Variants in NIBAN1 observed in about 807,000 individuals in gnomAD.
The protein encoded by NIBAN1 is protein Niban 1.
Under a neutral mutation model 75.1 loss-of-function variants are expected in NIBAN1, and 81 were observed. The ratio of observed to expected loss-of-function variants is 1.08; its 90% CI spans 0.90 to 1.30. NIBAN1 has a LOEUF of 1.30. NIBAN1 is among the 50% of genes most tolerant of loss of function. The pLI, the probability that NIBAN1 is intolerant of heterozygous loss-of-function variation, is 0.00. For missense variants in NIBAN1, 1,133 were observed against 1,128.1 expected (o/e 1.00, Z -0.06); for synonymous variants, 436 against 424.8 (o/e 1.03, Z -0.32).
At chr1:184,850,721 A>G (rs1421365722) in intron 5 of NIBAN1, among the ~76,000 whole-genome samples, 2 of 23,286 alleles carry the variant, frequency 8.6e-5, no homozygotes, top group Admixed American at 1.1e-3. Flanking sequence ...AATTTTCACA[A>G]CCTAGTCATC....
chr1:184,798,357 G>C (rs1214045150), intron 12 of NIBAN1, among the ~76,000 whole-genome samples, 167 bp from the exon 13 acceptor site: 1 of 152,080 alleles, frequency 6.6e-6, no homozygotes, highest in African/African-American at 2.4e-5. Context: ...TATTTTATTG[G>C]GTTCCCTTCA....
chr1:184,803,775 C>T (rs1319082668), intron 11 of NIBAN1, 83 bp from the exon 12 acceptor site: 2 of 1,160,746 alleles, frequency 1.7e-6, no homozygotes, highest in African/African-American at 1.5e-5. Flanking sequence ...CCACCCACTT[C>T]ACCTCTCTTT....
At chr1:184,803,744 A>C (rs1410791876) in intron 11 of NIBAN1, 52 bp from the exon 12 acceptor site, 2 of 1,544,174 alleles carry the variant, frequency 1.3e-6, no homozygotes, top group Admixed American at 3.4e-5. Context: ...CTGTTGACTT[A>C]TGTTTACTCA....
chr1:184,804,070 T>C (rs534233477), intron 11 of NIBAN1, among the ~76,000 whole-genome samples: 2 of 152,260 alleles, frequency 1.3e-5, no homozygotes, highest in East Asian at 3.9e-4. Context: ...CCAGGGTCAG[T>C]GGGTTGTAAT....
chr1:184,834,120 G>A (rs569889558), intron 5 of NIBAN1, among the ~76,000 whole-genome samples: 11 of 147,124 alleles, frequency 7.5e-5, no homozygotes, highest in African/African-American at 2.5e-4. Flanking sequence ...TTGGTTTTCT[G>A]TCCTTGTGAT....
At chr1:184,953,651 A>G (rs923140836) in intron 1 of NIBAN1, among the ~76,000 whole-genome samples, 11 of 152,246 alleles carry the variant, frequency 7.2e-5, no homozygotes, top group African/African-American at 2.4e-4. Flanking sequence ...CCTTTCTCAG[A>G]CATCCACTGA....
chr1:184,821,478 G>A (rs1400277906), intron 8 of NIBAN1: 1 of 152,116 alleles, frequency 6.6e-6, no homozygotes, highest in Non-Finnish European at 1.5e-5. Context: ...TTCTAAAAGA[G>A]CTGTAACACT....
chr1:184,866,258 C>T (rs1020716903), intron 5 of NIBAN1, among the ~76,000 whole-genome samples: 24 of 152,182 alleles, frequency 1.6e-4, no homozygotes, highest in South Asian at 4.1e-4. Flanking sequence ...GATGAATGGA[C>T]AGATAGAAGA....
intron 1 of NIBAN1, among the ~76,000 whole-genome samples, chr1:184,966,524 T>G (rs1334961896): frequency 1.3e-5 from 2 of 152,218 alleles, no homozygotes; most frequent in East Asian, 3.8e-4. Flanking sequence ...AATACCTGTT[T>G]TAAGAGTCAG....
chr1:184,880,035 C>T (rs1656336805), intron 5 of NIBAN1, among the ~76,000 whole-genome samples: 1 of 152,226 alleles, frequency 6.6e-6, no homozygotes, highest in Admixed American at 6.5e-5. Flanking sequence ...TCTTTGTGTT[C>T]ATGACGATGT....
intron 9 of NIBAN1, among the ~76,000 whole-genome samples, chr1:184,817,874 G>T (rs768052666): frequency 6.6e-6 from 1 of 152,180 alleles, no homozygotes; most frequent in Non-Finnish European, 1.5e-5. Context: ...CAATCCCAGC[G>T]GCCATACTTC....
intron 5 of NIBAN1, chr1:184,868,075 G>A (rs1030755796): frequency 2.0e-6 from 2 of 985,110 alleles, no homozygotes; most frequent in Non-Finnish European, 2.4e-6. Flanking sequence ...TTGGCAGGGA[G>A]GGGCTTTGTC....
chr1:184,946,342 C>A (rs779118758), intron 1 of NIBAN1, among the ~76,000 whole-genome samples: 1 of 152,144 alleles, frequency 6.6e-6, no homozygotes, highest in African/African-American at 2.4e-5. Context: ...TTAAAGTGAG[C>A]CTTGAGATGC....
Position 184,791,348 on chromosome 1 carries a change from T to C in NIBAN1, c.*3629A>G, listed in dbSNP as rs1653691409. 2 of 160,970 alleles carry C rather than the reference T, an allele frequency of 1.2e-5. No homozygotes were observed. The highest frequency in any genetic ancestry group is 2.4e-5 in the African/African-American group (1 of 41,688). The allele number at this position is 160,970 out of a possible 1,614,324, so 10.0% of individuals were successfully genotyped here. A position where few individuals can be genotyped will look rare whatever the true frequency, so the allele number is the denominator to read the frequency against. On this transcript the variant is annotated 3_prime_UTR_variant, in exon 14 of 14. Coordinates refer to ENST00000367511, the MANE Select transcript of NIBAN1 (RefSeq NM_052966.4). Reference sequence around the variant, plus strand: ...TTATTATAATGAACGAAAATCACTTTTGTCTTGGGGAATTGTGAAACCTTT... The same window carrying C: ...TTATTATAATGAACGAAAATCACTTCTGTCTTGGGGAATTGTGAAACCTTT...
intron 1 of NIBAN1, among the ~76,000 whole-genome samples, chr1:184,966,808 G>T (rs530810885): frequency 1.3e-5 from 2 of 152,062 alleles, no homozygotes; most frequent in Non-Finnish European, 2.9e-5. Context: ...ACATGGTTTG[G>T]CATAGAGACA....
intron 1 of NIBAN1, among the ~76,000 whole-genome samples, chr1:184,920,828 T>C (rs767785668): frequency 2.2e-4 from 34 of 152,162 alleles, no homozygotes; most frequent in Non-Finnish European, 4.4e-4. Flanking sequence ...TTAAAATGAA[T>C]GCAACCATTA....
chr1:184,964,575 A>C (rs141906196), intron 1 of NIBAN1, among the ~76,000 whole-genome samples: 2,199 of 152,284 alleles, frequency 0.014, 46 homozygotes, highest in African/African-American at 0.048. Context: ...GGAGCTAATG[A>C]TATCTCCATT....
At chr1:184,934,092 A>T (rs1040847981) in intron 1 of NIBAN1, among the ~76,000 whole-genome samples, 1 of 152,232 alleles carries the variant, frequency 6.6e-6, no homozygotes, top group African/African-American at 2.4e-5. Flanking sequence ...TCAACAGTGG[A>T]TTGGATAAAA....
chr1:184,921,682 G>A (rs1381695396), intron 1 of NIBAN1, among the ~76,000 whole-genome samples: 2 of 152,160 alleles, frequency 1.3e-5, no homozygotes, highest in Non-Finnish European at 2.9e-5. Flanking sequence ...TAACAATCAA[G>A]GCAAATGGGT....
Sources: gnomAD v4.1 joint callset for allele counts (sites outside exome capture counted in the v4.1 genomes callset) on GRCh38, gnomAD v4.1.1 for gene constraint, MANE v1.5 for transcripts, NCBI Gene and HGNC (gene_info 2026-07-23, HGNC 2026-07-21) for gene names.